ZFHX4: variants seen among roughly 807,000 people sequenced by gnomAD.
ZFHX4 encodes zinc finger homeobox 4, also known as zinc finger homeobox protein 4.
In ZFHX4, 56 loss-of-function variants were observed where a neutral mutation model predicts 267.6. That is an observed-to-expected ratio of 0.21 (90% CI 0.17 to 0.26). The LOEUF is 0.26. Ranked by LOEUF, ZFHX4 falls within the 10% of genes least tolerant of loss-of-function variation. ZFHX4 has a pLI of 1.00. For synonymous variants in ZFHX4, 1,778 were observed against 1,665.6 expected (o/e 1.07, Z -1.64); for missense variants, 4,332 against 4,420.0 (o/e 0.98, Z 0.56).
chr8:76,844,488 T>G (rs1346750093), intron 6 of ZFHX4, among the ~76,000 whole-genome samples: 1 of 152,086 alleles, frequency 6.6e-6, no homozygotes, highest in African/African-American at 2.4e-5. Flanking sequence ...ATTTTACCAT[T>G]GAGGAAAGAA....
In ZFHX4 at chr8:76,706,293, T is replaced by G; in HGVS notation, c.2205T>G (p.Gly735=). The G allele has an allele frequency of 6.2e-7, 1 of 1,614,122 alleles. No homozygotes were observed. The highest frequency in any genetic ancestry group is 8.5e-7 in the Non-Finnish European group (1 of 1,180,020). The change falls in exon 2 of 11, where the codon GGT becomes GGG. Residue 735 remains glycine, a synonymous_variant. Coordinates refer to ENST00000651372, the MANE Select transcript of ZFHX4 (RefSeq NM_024721.5). ...NNVQNLQNGN[G]EQVFGHSAPA... ...TTCAGAATCTCCAAAATGGCAATGGTGAGCAGGTGTTTGGCCACTCTGCCC... is the reference window on the plus strand; with the variant it reads ...TTCAGAATCTCCAAAATGGCAATGGGGAGCAGGTGTTTGGCCACTCTGCCC...
At chr8:76,790,513 G>C (rs1441775362) in intron 4 of ZFHX4, among the ~76,000 whole-genome samples, 2 of 151,976 alleles carry the variant, frequency 1.3e-5, no homozygotes, top group African/African-American at 4.8e-5. Flanking sequence ...AAAAAATCAA[G>C]GTCTCCACTG....
chr8:76,863,318 A>C lies in ZFHX4; in HGVS notation c.9604A>C (p.Ile3202Leu). ...AACTAAGCCAAACAAGGTGAAAAAA[A>C]TCAAAGAGGAGGAATTAGAGGCCAC... Reference protein sequence around the residue: ...KQTKPNKVKKIKEEELEATKP... With the variant: ...KQTKPNKVKKLKEEELEATKP... Residue 3202 changes from isoleucine to leucine, a missense_variant, in exon 11 of 11, where the codon ATC becomes CTC. By Grantham distance (5) the Ile-to-Leu change is conservative. This residue lies in a region of ZFHX4 where 1,648 missense variants were observed against 1,625.0 expected (regional missense o/e 1.01). Transcript: ENST00000651372. 1 of 1,613,296 alleles carries C rather than the reference A, an allele frequency of 6.2e-7. No homozygotes were observed. The highest frequency in any genetic ancestry group is 8.5e-7 in the Non-Finnish European group (1 of 1,179,730).
intron 3 of ZFHX4, among the ~76,000 whole-genome samples, chr8:76,770,871 T>G (rs1810246641): frequency 6.6e-6 from 1 of 152,088 alleles, no homozygotes; most frequent in Admixed American, 6.6e-5. Context: ...ATCAGGATAG[T>G]TGGAGTAAAG....
At chr8:76,829,867 T>A (rs1811887794) in intron 4 of ZFHX4, among the ~76,000 whole-genome samples, 1 of 152,088 alleles carries the variant, frequency 6.6e-6, no homozygotes, top group Non-Finnish European at 1.5e-5. Flanking sequence ...TTTTTGTAGA[T>A]GTAACCATTT....
intron 4 of ZFHX4, among the ~76,000 whole-genome samples, chr8:76,798,630 C>A (rs887593785): frequency 1.3e-5 from 2 of 152,048 alleles, no homozygotes; most frequent in African/African-American, 4.8e-5. Context: ...TTTTAAAATT[C>A]AAAAGACAAA....
At chr8:76,734,916 T>C (rs1809117316) in intron 3 of ZFHX4, among the ~76,000 whole-genome samples, 1 of 152,116 alleles carries the variant, frequency 6.6e-6, no homozygotes, top group Admixed American at 6.6e-5. Flanking sequence ...ATAGCATAGA[T>C]TTTAACAGTG....
chr8:76,718,225 C>T (rs1449570967), intron 3 of ZFHX4, among the ~76,000 whole-genome samples: 2 of 152,016 alleles, frequency 1.3e-5, no homozygotes, highest in Non-Finnish European at 2.9e-5. Flanking sequence ...GATTGACATG[C>T]TAAAATGGGA....
intron 4 of ZFHX4, among the ~76,000 whole-genome samples, chr8:76,829,247 G>T: frequency 7.9e-6 from 1 of 126,908 alleles, no homozygotes. Context: ...ATGGATTATA[G>T]TTTTGCAAAA....
At chr8:76,685,208 C>A (rs1157047185) in intron 1 of ZFHX4, among the ~76,000 whole-genome samples, 1 of 152,238 alleles carries the variant, frequency 6.6e-6, no homozygotes, top group Admixed American at 6.5e-5. Context: ...TTGGCTCTGA[C>A]TTCACCAAGG....
chr8:76,833,257 T>C, intron 4 of ZFHX4, 81 bp from the exon 5 acceptor site: 2 of 1,186,638 alleles, frequency 1.7e-6, no homozygotes, highest in Non-Finnish European at 2.5e-6. Context: ...ACTGCCAAAT[T>C]TTGGGTTCTT....
At chr8:76,798,617 A>T (rs2131821614) in intron 4 of ZFHX4, among the ~76,000 whole-genome samples, 1 of 152,304 alleles carries the variant, frequency 6.6e-6, no homozygotes, top group South Asian at 2.1e-4. Context: ...TGGCAAGTGT[A>T]TTTTTTAAAA....
chr8:76,803,190 A>G (rs1373721312), intron 4 of ZFHX4, among the ~76,000 whole-genome samples: 1 of 152,080 alleles, frequency 6.6e-6, no homozygotes, highest in Non-Finnish European at 1.5e-5. Context: ...TGTCTAGTAC[A>G]GAAATAAAAA....
intron 3 of ZFHX4, among the ~76,000 whole-genome samples, chr8:76,775,043 ATTTAAAAAT>A: frequency 6.6e-6 from 1 of 152,338 alleles, no homozygotes; most frequent in East Asian, 1.9e-4. Flanking sequence ...AAAGTAAATA[ATTTAAAAAT>A]TGATTAGTAT....
chr8:76,801,719 CATTG>C (rs1811122007), intron 4 of ZFHX4, among the ~76,000 whole-genome samples: 1 of 152,252 alleles, frequency 6.6e-6, no homozygotes, highest in East Asian at 1.9e-4. Flanking sequence ...AGTGTGCTCA[CATTG>C]ATTGAACAAG....
In ZFHX4 at chr8:76,852,912, ATCT is replaced by A. The variant is rs746892481; in HGVS notation, c.5995_5997del (p.Ser1999del). On this transcript the variant is annotated inframe_deletion, in exon 10 of 11. Coordinates refer to ENST00000651372, the MANE Select transcript of ZFHX4 (RefSeq NM_024721.5). Reference sequence around the variant, plus strand: ...ATGACAAGCTTTATCCAATTTCTCCATCTTCTCCAGAAACGCCGCCCCCGCCAC... The same window carrying A: ...ATGACAAGCTTTATCCAATTTCTCCATCTCCAGAAACGCCGCCCCCGCCAC... 2.5e-6 allele frequency: 4 copies of A among 1,609,746 alleles called. No homozygotes were observed. The highest frequency in any genetic ancestry group is 2.7e-5 in the African/African-American group (2 of 74,736).
At chr8:76,774,772 A>T (rs1380669446) in intron 3 of ZFHX4, among the ~76,000 whole-genome samples, 1 of 152,144 alleles carries the variant, frequency 6.6e-6, no homozygotes, top group Non-Finnish European at 1.5e-5. Context: ...AATTTGAAAA[A>T]TTTAATAAGA....
chr8:76,689,851 A>T (rs1353393558), intron 1 of ZFHX4, among the ~76,000 whole-genome samples: 1 of 152,134 alleles, frequency 6.6e-6, no homozygotes, highest in Non-Finnish European at 1.5e-5. Flanking sequence ...CACTAAAGTC[A>T]TATTTAGTAA....
chr8:76,793,287 A>G (rs1168398806), intron 4 of ZFHX4, among the ~76,000 whole-genome samples: 2 of 151,956 alleles, frequency 1.3e-5, no homozygotes, highest in African/African-American at 4.8e-5. Context: ...GAGGTGGCAT[A>G]CATACAGGCG....
Sources: gnomAD v4.1 joint callset for allele counts (sites outside exome capture counted in the v4.1 genomes callset) on GRCh38, gnomAD v4.1.1 for gene constraint, gnomAD v4.1.1 regional missense constraint, MANE v1.5 for transcripts, NCBI Gene and HGNC (gene_info 2026-07-23, HGNC 2026-07-21) for gene names.